Variants in CCND3 observed in about 807,000 individuals in gnomAD.
The protein encoded by CCND3 is cyclin D3, also known as G1/S-specific cyclin-D3.
In CCND3, 9 loss-of-function variants were observed where a neutral mutation model predicts 28.7. The ratio of observed to expected loss-of-function variants is 0.31; its 90% CI spans 0.19 to 0.55. The LOEUF (loss-of-function observed/expected upper bound fraction) is 0.55, where lower values mean the gene tolerates loss of function less well. Ranked by LOEUF, CCND3 falls within the 20% of genes least tolerant of loss-of-function variation. The pLI is 0.93. For missense variants in CCND3, 315 were observed against 385.8 expected (o/e 0.82, Z 1.54); for synonymous variants, 164 against 163.9 (o/e 1.00, Z 0.00).
intron 1 of CCND3, among the ~76,000 whole-genome samples, chr6:42,001,376 G>A (rs1046088769): frequency 6.6e-6 from 1 of 151,992 alleles, no homozygotes; most frequent in Non-Finnish European, 1.5e-5. Flanking sequence ...CAAGAGAATG[G>A]ATAAACAAAT....
upstream of CCND3, among the ~76,000 whole-genome samples, chr6:41,943,399 TA>T (rs66717417): frequency 5.9e-5 from 9 of 152,052 alleles, no homozygotes; most frequent in Non-Finnish European, 1.3e-4. Context: ...CTTTTTTCAT[TA>T]AAAAAATACT....
At chr6:42,034,387 A>T (rs1764136126) in intron 1 of CCND3, among the ~76,000 whole-genome samples, 1 of 145,772 alleles carries the variant, frequency 6.9e-6, no homozygotes, top group Non-Finnish European at 1.5e-5. Context: ...ACCTCAGGTG[A>T]TCCACCCGCC....
At chr6:41,951,852 G>A (rs532377536) in intron 1 of CCND3, among the ~76,000 whole-genome samples, 44 of 151,718 alleles carry the variant, frequency 2.9e-4, no homozygotes, top group African/African-American at 4.8e-4. Flanking sequence ...TCTGCCTCCC[G>A]GGTTCTAGCA....
chr6:41,938,490 C>T lies in CCND3; in HGVS notation c.415-1096G>A, dbSNP rs1582084589. Among the ~76,000 whole-genome samples the T allele has an allele frequency of 6.6e-6, 1 of 152,138 alleles. No homozygotes were observed. Among genetic ancestry groups the T allele is most frequent in the Non-Finnish European group, 1.5e-5 (1 of 68,024 alleles). On this transcript the variant is annotated intron_variant, in intron 2 of 4. Coordinates refer to ENST00000372991, the MANE Select transcript of CCND3 (RefSeq NM_001760.5). This position sits in a 1 kb window ranked among gnomAD's most constrained non-coding sequence, Gnocchi z 4.6. The stretch of plus-strand genomic sequence containing the variant: ...GAGACAGATAAATTACAACGCTACC[C>T]CTAGTGCATGTCCCAGGAGCCAACT...
chr6:41,944,645 C>T (rs541919501), upstream of CCND3, among the ~76,000 whole-genome samples: 295 of 152,288 alleles, frequency 1.9e-3, no homozygotes, highest in Non-Finnish European at 3.3e-3. Context: ...TGGTCTCGAA[C>T]TCCTGACCTC....
chr6:41,940,531 G>A lies in CCND3; in HGVS notation c.253C>T (p.Leu85=), dbSNP rs755858491. ...EEVFPLAMNY[L]DRYLSCVPTR... ...GGGACGCAAGACAGGTAGCGATCCA[G>A]GTAGTTCATGGCCAGGGGGAAGACT... The change falls in exon 2 of 5, where the codon CTG becomes TTG. Residue 85 remains leucine, a synonymous_variant. Coordinates refer to ENST00000372991, the MANE Select transcript of CCND3 (RefSeq NM_001760.5). 6.2e-7 allele frequency: 1 copy of A among 1,613,908 alleles called. No homozygotes were observed. Among genetic ancestry groups the A allele is most frequent in the Non-Finnish European group, 8.5e-7 (1 of 1,180,002 alleles).
intron 3 of CCND3, 108 bp downstream of exon 3, chr6:41,937,127 T>C (rs946664067): frequency 1.5e-6 from 2 of 1,297,876 alleles, no homozygotes; most frequent in African/African-American, 2.9e-5. Context: ...GGGGGTATAA[T>C]TTTCACAAAG....
At chr6:42,022,916 G>C (rs977801631) in intron 1 of CCND3, among the ~76,000 whole-genome samples, 1 of 152,242 alleles carries the variant, frequency 6.6e-6, no homozygotes, top group African/African-American at 2.4e-5. Context: ...CCCATGCTGG[G>C]CCAGGCAGTA....
chr6:42,042,620 A>C (rs1764407803), intron 1 of CCND3, among the ~76,000 whole-genome samples: 2 of 152,088 alleles, frequency 1.3e-5, no homozygotes. Flanking sequence ...TCAGCCTTCC[A>C]AAGTGCTGGG....
rs199889723 is a variant in CCND3 at position 42,029,149 on chromosome 6, ATTT to A, written c.-46+19349_-46+19351del. Among the ~76,000 whole-genome samples, 5 of 145,078 alleles carry A rather than the reference ATTT, an allele frequency of 3.4e-5. No homozygotes were observed. The East Asian group carries it at 6.0e-4, about 17-fold the overall frequency. On this transcript the variant is annotated intron_variant, in intron 1 of 4. Transcript: ENST00000372988. ...GCACCACCAGCTATTTTATTTTTTA[ATTT>A]TTTTTTTTTTTATTATTTTTTAGAG...
chr6:41,936,616 G>A lies in CCND3; in HGVS notation c.654C>T (p.Cys218=). 1 of 1,614,224 alleles carries A rather than the reference G, an allele frequency of 6.2e-7. No individual in the cohort carries two copies. The highest frequency in any genetic ancestry group is 8.5e-7 in the Non-Finnish European group (1 of 1,180,030). The part of the protein sequence containing the change: ...IGAAVQGLGA[C]SMSGDELTEL... ...CTGTGAGCTCATCCCCGGACATGGAGCAGGCACCCAGGCCTTGCACTGCAG... is the reference window on the plus strand; with the variant it reads ...CTGTGAGCTCATCCCCGGACATGGAACAGGCACCCAGGCCTTGCACTGCAG... Residue 218 remains cysteine (C), a synonymous_variant, in exon 4 of 5, where the codon TGC becomes TGT. Coordinates refer to ENST00000372991, the MANE Select transcript of CCND3 (RefSeq NM_001760.5). This position sits in a 1 kb window ranked among gnomAD's most constrained non-coding sequence, Gnocchi z 4.4.
At chr6:42,043,259 T>C (rs1382691780) in intron 1 of CCND3, among the ~76,000 whole-genome samples, 1 of 152,066 alleles carries the variant, frequency 6.6e-6, no homozygotes, top group African/African-American at 2.4e-5. Flanking sequence ...CTGAGTATGC[T>C]GGGCGCGGTG....
chr6:41,971,666 C>G (rs895965619), intron 1 of CCND3, among the ~76,000 whole-genome samples: 2 of 151,456 alleles, frequency 1.3e-5, no homozygotes, highest in African/African-American at 2.4e-5. Context: ...CTCAGCCTCT[C>G]GAGTAGCTGC....
rs760760322 is a variant in CCND3, at chr6:41,936,011, GGGCTTT to G, written c.802_807del (p.Lys268_Ala269del). 1 of 1,613,352 alleles carries G rather than the reference GGGCTTT, an allele frequency of 6.2e-7. No individual in the cohort carries two copies. On this transcript the variant is annotated inframe_deletion, in exon 5 of 5. Transcript: ENST00000372991. The surrounding 1 kb of genome is among the most constrained non-coding windows in gnomAD (Gnocchi z 4.4). Reference sequence around the variant, plus strand: ...GGCCCTTGGCTGCTGGAGCCCCGGGGGGCTTTGGGCGCTGGGCTGGAGCTGGTCTGA... The same window carrying G: ...GGCCCTTGGCTGCTGGAGCCCCGGGGGGGCGCTGGGCTGGAGCTGGTCTGA...
chr6:42,003,222 TAAA>T (rs5875781), intron 1 of CCND3, among the ~76,000 whole-genome samples: 4 of 147,946 alleles, frequency 2.7e-5, no homozygotes, highest in Admixed American at 6.8e-5. Flanking sequence ...CTTATGAAGT[TAAA>T]AAAAAAAAGA....
intron 1 of CCND3, among the ~76,000 whole-genome samples, chr6:42,027,165 C>T (rs377374700): frequency 4.5e-4 from 69 of 152,282 alleles, no homozygotes; most frequent in Non-Finnish European, 4.9e-4. Flanking sequence ...CTAGGCCGGG[C>T]GCGGTGGCTC....
rs1332733549 is a variant in CCND3 at position 41,936,267 on chromosome 6, G to A, written c.712-160C>T. ...CTTTAGTTCTCAGAAACTAGCAAGA[G>A]GATGTGGCAAGGGAGTGTGAGAGCA... On this transcript the variant is annotated intron_variant, in intron 4 of 4. Coordinates refer to ENST00000372991, the MANE Select transcript of CCND3 (RefSeq NM_001760.5). The surrounding 1 kb of genome is among the most constrained non-coding windows in gnomAD (Gnocchi z 4.4). 2.5e-6 allele frequency: 2 copies of A among 796,740 alleles called. No homozygotes were observed. Among genetic ancestry groups the A allele is most frequent in the African/African-American group, 1.7e-5 (1 of 57,494 alleles). The allele number at this position is 796,740 out of a possible 1,614,324, so 49.4% of individuals were successfully genotyped here.
chr6:41,986,016 A>G (rs1216750067), intron 1 of CCND3, among the ~76,000 whole-genome samples: 3 of 151,880 alleles, frequency 2.0e-5, no homozygotes, highest in Non-Finnish European at 2.9e-5. Context: ...TTTTCCCAAA[A>G]CCATTTATTG....
At chr6:42,005,623 C>T (rs1030227366) in intron 1 of CCND3, among the ~76,000 whole-genome samples, 1 of 150,720 alleles carries the variant, frequency 6.6e-6, no homozygotes, top group African/African-American at 2.4e-5. Flanking sequence ...ACTTGAGGAG[C>T]CCAAGGTAGG....
Sources: gnomAD v4.1 joint callset for allele counts (sites outside exome capture counted in the v4.1 genomes callset) on GRCh38, gnomAD v4.1.1 for gene constraint, Gnocchi (gnomAD v3.1) non-coding constraint, MANE v1.5 for transcripts, NCBI Gene and HGNC (gene_info 2026-07-23, HGNC 2026-07-21) for gene names.